YPEL5: variants seen among roughly 807,000 people sequenced by gnomAD.
The protein encoded by YPEL5 is yippee like 5.
A neutral mutation model predicts 10.5 loss-of-function variants in YPEL5; 1 was observed. The ratio of observed to expected loss-of-function variants is 0.10; its 90% CI spans 0.03 to 0.45. The LOEUF (loss-of-function observed/expected upper bound fraction) is 0.45, where lower values mean the gene tolerates loss of function less well. Ranked by LOEUF, YPEL5 falls within the 20% of genes least tolerant of loss-of-function variation. The pLI is 0.97. For synonymous variants in YPEL5, 61 were observed against 56.6 expected (o/e 1.08, Z -0.35); for missense variants, 68 against 159.3 (o/e 0.43, Z 3.09).
chr2:30,149,042 T>G (rs1045738524), intron 1 of YPEL5, among the ~76,000 whole-genome samples: 1 of 152,310 alleles, frequency 6.6e-6, no homozygotes, highest in Admixed American at 6.5e-5. Context: ...ACAGGTAAAT[T>G]ACACGTCAAT....
At chr2:30,154,185 T>C (rs1351472905) in intron 1 of YPEL5, among the ~76,000 whole-genome samples, 1 of 152,194 alleles carries the variant, frequency 6.6e-6, no homozygotes, top group African/African-American at 2.4e-5. Context: ...ACTGCACAAA[T>C]ACTAGTCTTC....
At chr2:30,152,890 G>GTTTTTTTTTTTTTT (rs373848986) in intron 1 of YPEL5, among the ~76,000 whole-genome samples, 3 of 122,728 alleles carry the variant, frequency 2.4e-5, no homozygotes, top group Non-Finnish European at 1.7e-5. Context: ...ACTGTCCTTT[G>GTTTTTTTTTTTTTT]TTTTTTTTTT....
intron 1 of YPEL5, among the ~76,000 whole-genome samples, chr2:30,153,226 G>A (rs1339674149): frequency 2.6e-5 from 4 of 152,244 alleles, no homozygotes; most frequent in African/African-American, 9.6e-5. Context: ...ATAAGTGGCT[G>A]TCTTAGTTCC....
chr2:30,147,146 AATCGG>A (rs1675442916), intron 1 of YPEL5, 84 bp downstream of exon 1: 1 of 152,222 alleles, frequency 6.6e-6, no homozygotes, highest in African/African-American at 2.4e-5. Context: ...GGCACTCGGG[AATCGG>A]CCCAGGGTGG....
At chr2:30,153,194 G>A (rs768358390) in intron 1 of YPEL5, among the ~76,000 whole-genome samples, 148 of 152,262 alleles carry the variant, frequency 9.7e-4, no homozygotes, top group Non-Finnish European at 1.7e-3. Context: ...GAGCCACCGC[G>A]CCCGGCCTTT....
At chr2:30,149,680 T>A (rs1675690751) in intron 1 of YPEL5, among the ~76,000 whole-genome samples, 1 of 152,110 alleles carries the variant, frequency 6.6e-6, no homozygotes, top group Non-Finnish European at 1.5e-5. Context: ...TTTAGCAGAG[T>A]CATTGCGAAA....
chr2:30,148,736 C>A (rs540299901), intron 1 of YPEL5, among the ~76,000 whole-genome samples: 11 of 152,112 alleles, frequency 7.2e-5, no homozygotes, highest in African/African-American at 2.4e-4. Flanking sequence ...TTTCTGTTTT[C>A]TATTTAAGTA....
At chr2:30,154,692 T>C (rs1402236955) in intron 1 of YPEL5, among the ~76,000 whole-genome samples, 2 of 152,248 alleles carry the variant, frequency 1.3e-5, no homozygotes, top group Non-Finnish European at 2.9e-5. Flanking sequence ...ATTCAGCCTG[T>C]AGGCCTCGAA....
intron 1 of YPEL5, among the ~76,000 whole-genome samples, chr2:30,149,696 C>T (rs1265822721): frequency 2.6e-5 from 4 of 152,230 alleles, no homozygotes; most frequent in African/African-American, 9.6e-5. Context: ...CGAAACAAAA[C>T]CACCTCTGCA....
intron 1 of YPEL5, among the ~76,000 whole-genome samples, chr2:30,149,275 G>A (rs1675665596): frequency 6.6e-6 from 1 of 152,170 alleles, no homozygotes; most frequent in Admixed American, 6.5e-5. Flanking sequence ...AGGCATTATT[G>A]AGGGGGGAGA....
chr2:30,151,425 T>A (rs1292035475), intron 1 of YPEL5, among the ~76,000 whole-genome samples: 1 of 152,118 alleles, frequency 6.6e-6, no homozygotes, highest in African/African-American at 2.4e-5. Context: ...CTAAATATGC[T>A]ATTGGTGAGA....
At chr2:30,149,337 A>G (rs2103505107) in intron 1 of YPEL5, among the ~76,000 whole-genome samples, 1 of 152,372 alleles carries the variant, frequency 6.6e-6, no homozygotes, top group South Asian at 2.1e-4. Flanking sequence ...ATTCCACAAC[A>G]GGACATCATT....
At chr2:30,155,548 T>C (rs1440369810) in intron 1 of YPEL5, among the ~76,000 whole-genome samples, 1 of 152,236 alleles carries the variant, frequency 6.6e-6, no homozygotes, top group African/African-American at 2.4e-5. Context: ...CGCTGATAAC[T>C]ATACCTGAGA....
Position 30,160,093 on chromosome 2 carries a change from T to A in YPEL5, c.*1250T>A, listed in dbSNP as rs1037601639. 2 of 152,650 alleles carry A rather than the reference T, an allele frequency of 1.3e-5. No homozygotes were observed. The highest frequency in any genetic ancestry group is 2.9e-5 in the Non-Finnish European group (2 of 68,042). 9.5% of individuals were successfully genotyped at this position (152,650 alleles called of 1,614,324 possible). ...TAAATGTTTCTTTACCCAAACTACT[T>A]CTAGATATTCTAGTATTTGCTTCTG... On this transcript the variant is annotated 3_prime_UTR_variant, in exon 3 of 3. Coordinates refer to ENST00000261353, the MANE Select transcript of YPEL5 (RefSeq NM_016061.3).
At chr2:30,155,501 C>G (rs777036365) in intron 1 of YPEL5, among the ~76,000 whole-genome samples, 1 of 152,030 alleles carries the variant, frequency 6.6e-6, no homozygotes, top group Non-Finnish European at 1.5e-5. Flanking sequence ...CTCTGCATGC[C>G]ATTGGAAAGA....
intron 1 of YPEL5, among the ~76,000 whole-genome samples, chr2:30,151,229 A>T (rs995783584): frequency 1.3e-5 from 2 of 152,234 alleles, no homozygotes; most frequent in Non-Finnish European, 2.9e-5. Context: ...CATCATATCC[A>T]TCATGCATTT....
intron 1 of YPEL5, among the ~76,000 whole-genome samples, chr2:30,153,486 G>A (rs1362179272): frequency 1.3e-5 from 2 of 152,100 alleles, no homozygotes; most frequent in African/African-American, 4.8e-5. Context: ...ATGAATGGTG[G>A]GGGCTACACA....
chr2:30,149,273 T>C (rs926874275), intron 1 of YPEL5, among the ~76,000 whole-genome samples: 1 of 152,120 alleles, frequency 6.6e-6, no homozygotes, highest in Non-Finnish European at 1.5e-5. Context: ...TAAGGCATTA[T>C]TGAGGGGGGA....
rs1450687993 is a variant in YPEL5 at position 30,159,016 on chromosome 2, A to G, written c.*173A>G. ...TTCTTTCTTTTTTTTTAAATTTTGT[A>G]TTTTCCATCCAACAGCAGTGTGTAG... On this transcript the variant is annotated 3_prime_UTR_variant, in exon 3 of 3. Coordinates refer to ENST00000261353, the MANE Select transcript of YPEL5 (RefSeq NM_016061.3). 3.0e-6 allele frequency: 2 copies of G among 676,806 alleles called. No homozygotes were observed. Among genetic ancestry groups the G allele is most frequent in the Admixed American group, 3.0e-5 (1 of 33,498 alleles). 41.9% of individuals were successfully genotyped at this position (676,806 alleles called of 1,614,324 possible).
Sources: gnomAD v4.1 joint callset for allele counts (sites outside exome capture counted in the v4.1 genomes callset) on GRCh38, gnomAD v4.1.1 for gene constraint, MANE v1.5 for transcripts, NCBI Gene and HGNC (gene_info 2026-07-23, HGNC 2026-07-21) for gene names.